The following BIRC6 variants were observed in gnomAD, a reference collection of about 807,000 sequenced individuals.
BIRC6 encodes dual E2 ubiquitin-conjugating enzyme/E3 ubiquitin-protein ligase BIRC6.
BIRC6 carries 98 observed loss-of-function variants against 503.3 expected under a neutral mutation model. That is an observed-to-expected ratio of 0.19 (90% CI 0.17 to 0.23). The LOEUF is 0.23. Among genes scored for constraint, BIRC6 ranks in the 10% least tolerant of loss-of-function variants. The pLI, the probability that BIRC6 is intolerant of heterozygous loss-of-function variation, is 1.00. For synonymous variants in BIRC6, 2,240 were observed against 2,078.7 expected, an observed-to-expected ratio of 1.08 and a Z score of -2.11; for missense variants, 5,360 against 5,806.0, an observed-to-expected ratio of 0.92 and a Z score of 2.50.
At chr2:32,423,225 C>T (rs934163635) in intron 10 of BIRC6, among the ~76,000 whole-genome samples, 8 of 152,172 alleles carry the variant, frequency 5.3e-5, no homozygotes, top group African/African-American at 7.2e-5. Context: ...CCACTGTTCC[C>T]GGCCTGAGAC....
chr2:32,541,196 G>A (rs1288769615), intron 61 of BIRC6, among the ~76,000 whole-genome samples: 2 of 151,952 alleles, frequency 1.3e-5, no homozygotes, highest in Non-Finnish European at 2.9e-5. Context: ...CTTCTGTGCA[G>A]CATAAAATAA....
At chr2:32,401,644 A>C (rs1430278539) in intron 8 of BIRC6, 21 bp downstream of exon 8, 1 of 1,581,350 alleles carries the variant, frequency 6.3e-7, no homozygotes, top group African/African-American at 1.4e-5. Flanking sequence ...TTGTTTTAGT[A>C]GTATTTAATA....
intron 9 of BIRC6, among the ~76,000 whole-genome samples, 166 bp from the exon 10 acceptor site, chr2:32,414,603 G>A (rs2042226704): frequency 6.6e-6 from 1 of 152,160 alleles, no homozygotes; most frequent in Admixed American, 6.5e-5. Context: ...GGATTCAGAG[G>A]TTGTGGTGAG....
chr2:32,570,106 G>C (rs778530265), intron 65 of BIRC6, among the ~76,000 whole-genome samples: 4 of 152,042 alleles, frequency 2.6e-5, no homozygotes, highest in African/African-American at 7.2e-5. Flanking sequence ...TCTATGCCCA[G>C]TTTATTGGGG....
At chr2:32,374,474 ATT>A (rs1398010357) in intron 1 of BIRC6, among the ~76,000 whole-genome samples, 7 of 140,862 alleles carry the variant, frequency 5.0e-5, no homozygotes, top group African/African-American at 7.8e-5. Context: ...AATTTTTTTA[ATT>A]TTTTTTTTTT....
chr2:32,518,111 C>T (rs1000080083), intron 55 of BIRC6, 143 bp from the exon 56 acceptor site: 11 of 705,484 alleles, frequency 1.6e-5, no homozygotes, highest in Non-Finnish European at 2.4e-5. Context: ...AACTACTAGA[C>T]CCCCAGAGAC....
In BIRC6 at chr2:32,508,136, G is replaced by A. The variant is rs760929182; in HGVS notation, c.9857G>A (p.Arg3286Gln). ...SAVCLRLHRP[R>Q]DASTLGLSQI... ...GTCTGCCTTAGACTACATCGTCCACGGGATGCCAGCACATTAGGCCTTTCA... is the reference window on the plus strand; with the variant it reads ...GTCTGCCTTAGACTACATCGTCCACAGGATGCCAGCACATTAGGCCTTTCA... Residue 3286 changes from arginine (R) to glutamine (Q), a missense_variant, in exon 51 of 74, where the codon CGG becomes CAG. This residue lies in a region of BIRC6 where 62 missense variants were observed against 107.4 expected (regional missense o/e 0.58). Transcript: ENST00000421745. 149 of 1,613,714 alleles carry A rather than the reference G, an allele frequency of 9.2e-5. No individual in the cohort carries two copies. Among genetic ancestry groups the A allele is most frequent in the Non-Finnish European group, 1.2e-4 (142 of 1,179,884 alleles).
chr2:32,508,400 A>G (rs1023392620), intron 51 of BIRC6, 141 bp downstream of exon 51: 7 of 1,146,504 alleles, frequency 6.1e-6, no homozygotes, highest in South Asian at 3.6e-5. Flanking sequence ...GTATAATACA[A>G]TTTTATTAGG....
At chr2:32,368,870 TG>T (rs2035365611) in intron 1 of BIRC6, among the ~76,000 whole-genome samples, 1 of 152,208 alleles carries the variant, frequency 6.6e-6, no homozygotes, top group Non-Finnish European at 1.5e-5. Context: ...CAGGCTGGTC[TG>T]GAACACCTGA....
intron 1 of BIRC6, among the ~76,000 whole-genome samples, chr2:32,367,301 A>G (rs2035088739): frequency 6.6e-6 from 1 of 151,972 alleles, no homozygotes; most frequent in African/African-American, 2.4e-5. Context: ...TGTCTCTACT[A>G]AAAATACAAA....
chr2:32,467,825 C>CT, intron 27 of BIRC6, 78 bp from the exon 28 acceptor site: 1 of 1,429,902 alleles, frequency 7.0e-7, no homozygotes, highest in Non-Finnish European at 9.4e-7. Context: ...AAAAATATAA[C>CT]TATCTTTTTA....
chr2:32,559,682 C>A, intron 65 of BIRC6, among the ~76,000 whole-genome samples: 1 of 149,610 alleles, frequency 6.7e-6, no homozygotes, highest in African/African-American at 2.5e-5. Flanking sequence ...ATTAGTTTTC[C>A]AAGTTCTCCT....
intron 23 of BIRC6, among the ~76,000 whole-genome samples, chr2:32,459,636 T>C (rs1002245663): frequency 1.3e-5 from 2 of 152,182 alleles, no homozygotes; most frequent in African/African-American, 4.8e-5. Context: ...CATCCTAATA[T>C]TGACTTTTTA....
chr2:32,475,186 A>G (rs2149077528), intron 33 of BIRC6, among the ~76,000 whole-genome samples: 1 of 150,022 alleles, frequency 6.7e-6, no homozygotes, highest in African/African-American at 2.5e-5. Context: ...AAAAAGTGTC[A>G]ATAGTAGTAA....
At chr2:32,363,159 T>G (rs1426189843) in intron 1 of BIRC6, among the ~76,000 whole-genome samples, 1 of 151,934 alleles carries the variant, frequency 6.6e-6, no homozygotes, top group Non-Finnish European at 1.5e-5. Flanking sequence ...AGTGAGACCT[T>G]GTCTCTAGAA....
intron 45 of BIRC6, among the ~76,000 whole-genome samples, chr2:32,494,971 T>C (rs1283900763): frequency 2.0e-5 from 3 of 152,236 alleles, no homozygotes; most frequent in Non-Finnish European, 4.4e-5. Context: ...CTTTTTTATC[T>C]AATTTTATTC....
rs760011890 is a variant in BIRC6 at position 32,515,075 on chromosome 2, G to A, written c.10654G>A (p.Val3552Ile). Residue 3552 changes from valine (V) to isoleucine (I), a missense_variant, in exon 55 of 74, where the codon GTA becomes ATA. Coordinates refer to ENST00000421745, the MANE Select transcript of BIRC6 (RefSeq NM_016252.4). ...VDSLLCSMCHVHPNYFSLLMG... is the reference protein window; with the variant it reads ...VDSLLCSMCHIHPNYFSLLMG... ...CAGTCTACTTTGCTCAATGTGTCACGTACACCCAAACTATTTTTCTTTGCT... is the reference window on the plus strand; with the variant it reads ...CAGTCTACTTTGCTCAATGTGTCACATACACCCAAACTATTTTTCTTTGCT... 6.2e-6 allele frequency: 10 copies of A among 1,613,808 alleles called. No individual in the cohort carries two copies. The highest frequency in any genetic ancestry group is 1.6e-4 in the Middle Eastern group (1 of 6,062).
chr2:32,483,107 A>AG (rs11406948), intron 39 of BIRC6, among the ~76,000 whole-genome samples: 151,911 of 151,914 alleles, frequency 1, 75,954 homozygotes, highest in Middle Eastern at 1. Flanking sequence ...TAGTAGAGAC[A>AG]GGTTTCACCA....
intron 62 of BIRC6, 52 bp from the exon 63 acceptor site, chr2:32,545,591 T>C (rs939653645): frequency 2.4e-5 from 35 of 1,435,944 alleles, no homozygotes; most frequent in African/African-American, 5.6e-5. Context: ...TGTAACTTCT[T>C]ATGTGTTTTT....
Sources: allele counts gnomAD v4.1 joint callset (sites outside exome capture counted in the v4.1 genomes callset), GRCh38; gene constraint gnomAD v4.1.1; regional missense constraint gnomAD v4.1.1; transcripts MANE v1.5; gene names NCBI Gene and HGNC (gene_info 2026-07-23, HGNC 2026-07-21).